STX18: variants seen among roughly 807,000 people sequenced by gnomAD.
STX18 encodes the protein syntaxin 18.
A neutral mutation model predicts 50.1 loss-of-function variants in STX18; 40 were observed. The ratio of observed to expected loss-of-function variants is 0.80; its 90% CI spans 0.62 to 1.04. The LOEUF (loss-of-function observed/expected upper bound fraction) is 1.04, where lower values mean the gene tolerates loss of function less well. Ranked by LOEUF, STX18 falls within the 50% of genes least tolerant of loss-of-function variation. The probability of loss-of-function intolerance (pLI) is 0.00; values close to 1 mark genes in which losing one functional copy is unlikely to be tolerated. For synonymous variants in STX18, 158 were observed against 151.8 expected (o/e 1.04, Z -0.30); for missense variants, 410 against 415.8 (o/e 0.99, Z 0.12).
chr4:4,433,085 G>GCTGCTCTA (rs1160542959), intron 7 of STX18, among the ~76,000 whole-genome samples: 1 of 152,236 alleles, frequency 6.6e-6, no homozygotes, highest in Non-Finnish European at 1.5e-5. Context: ...GGTTGGCTCT[G>GCTGCTCTA]CTGCTCTACT....
chr4:4,494,610 T>A (rs1284750858), intron 1 of STX18, among the ~76,000 whole-genome samples: 3 of 152,212 alleles, frequency 2.0e-5, no homozygotes, highest in Non-Finnish European at 4.4e-5. Context: ...CCTAGATCTC[T>A]CTTATTAACT....
intron 1 of STX18, among the ~76,000 whole-genome samples, chr4:4,487,278 G>T (rs1441511574): frequency 6.6e-6 from 1 of 152,212 alleles, no homozygotes; most frequent in African/African-American, 2.4e-5. Flanking sequence ...GGGCCTGCAG[G>T]TGGTGGGGAG....
At chr4:4,452,152 T>C (rs1366696347) in intron 5 of STX18, among the ~76,000 whole-genome samples, 2 of 152,176 alleles carry the variant, frequency 1.3e-5, no homozygotes, top group African/African-American at 4.8e-5. Context: ...CCTAACTCTC[T>C]TCGATTCTGT....
chr4:4,519,106 C>T (rs1276957308), intron 1 of STX18, among the ~76,000 whole-genome samples: 1 of 152,086 alleles, frequency 6.6e-6, no homozygotes, highest in African/African-American at 2.4e-5. Context: ...AATGCAAAAT[C>T]ACGGTGTGAC....
intron 1 of STX18, among the ~76,000 whole-genome samples, chr4:4,489,343 A>G (rs1294155868): frequency 1.4e-5 from 2 of 144,746 alleles, no homozygotes; most frequent in South Asian, 2.3e-4. Flanking sequence ...TCGTCTTTGG[A>G]GTGAACAAGG....
intron 7 of STX18, among the ~76,000 whole-genome samples, chr4:4,434,514 A>C (rs1725678812): frequency 6.6e-6 from 1 of 152,242 alleles, no homozygotes; most frequent in African/African-American, 2.4e-5. Context: ...CTGTTGTTGA[A>C]AAGACATCTA....
At position 4,423,173 on chromosome 4, in the gene STX18, T is replaced by C. The variant is rs187168697; in HGVS notation, c.831+345A>G. Among the ~76,000 whole-genome samples the C allele has an allele frequency of 2.2e-4, 33 of 152,328 alleles. No homozygotes were observed. In the East Asian group the frequency reaches 2.3e-3, roughly 11 times the overall value. On this transcript the variant is annotated intron_variant, in intron 9 of 10. Transcript: ENST00000306200. ...ACCCTGCAGGAGTCCCTCCCTCCTA[T>C]AGATGGGAAACTGTAGCTTGTGGGG... is the stretch of plus-strand genomic sequence containing the variant.
intron 1 of STX18, among the ~76,000 whole-genome samples, chr4:4,488,165 G>A (rs1728778429): frequency 6.6e-6 from 1 of 152,122 alleles, no homozygotes; most frequent in Non-Finnish European, 1.5e-5. Context: ...CTCCTCTCGT[G>A]AGGTGAACAG....
chr4:4,496,825 A>G (rs1395246718), intron 1 of STX18, among the ~76,000 whole-genome samples: 1 of 152,216 alleles, frequency 6.6e-6, no homozygotes, highest in Non-Finnish European at 1.5e-5. Context: ...GTAAGCTTTA[A>G]GCACTTAGGA....
chr4:4,453,644 T>C (rs1726897220), intron 5 of STX18: 1 of 980,488 alleles, frequency 1.0e-6, no homozygotes, highest in Non-Finnish European at 1.2e-6. Context: ...GAGGTACGCC[T>C]GTCCTTCTTT....
intron 1 of STX18, among the ~76,000 whole-genome samples, chr4:4,496,633 C>G (rs1216245081): frequency 6.6e-6 from 1 of 152,160 alleles, no homozygotes; most frequent in Non-Finnish European, 1.5e-5. Flanking sequence ...ATTTTATAAT[C>G]AGGAGCTTCT....
intron 5 of STX18, chr4:4,453,710 A>G (rs1726901974): frequency 1.0e-6 from 1 of 973,530 alleles, no homozygotes; most frequent in Non-Finnish European, 1.2e-6. Flanking sequence ...ATATAATATC[A>G]TAGTACTATA....
Position 4,541,805 on chromosome 4 carries a change from G to A in STX18, c.160C>T (p.Arg54Cys). Residue 54 changes from arginine (R) to cysteine (C), a missense_variant, in exon 1 of 11, where the codon CGC (arginine) becomes TGC (cysteine). By Grantham distance (180) the Arg-to-Cys change is radical (BLOSUM62 -3). Coordinates refer to ENST00000306200, the MANE Select transcript of STX18 (RefSeq NM_016930.4). ...RPKGDFSSRA[R>C]EVISHIGKLR... ...CATAGCAACCAGCTCACCACTTCGC[G>A]GGCCCGGCTGGAGAAGTCGCCCTTG... 1 of 1,608,122 alleles carries A rather than the reference G, an allele frequency of 6.2e-7. No homozygotes were observed. Among genetic ancestry groups the A allele is most frequent in the South Asian group, 1.1e-5 (1 of 90,448 alleles).
chr4:4,471,844 T>C (rs1727936914), intron 1 of STX18, 138 bp from the exon 2 acceptor site: 1 of 586,716 alleles, frequency 1.7e-6, no homozygotes, highest in African/African-American at 1.9e-5. Flanking sequence ...TTTTGGACTC[T>C]CGTACAGTCA....
chr4:4,492,173 C>T (rs1055970779), intron 1 of STX18, among the ~76,000 whole-genome samples: 2 of 151,990 alleles, frequency 1.3e-5, no homozygotes, highest in African/African-American at 2.4e-5. Flanking sequence ...AGATTTATAT[C>T]CCTAGTAACC....
chr4:4,463,007 C>T (rs1347235276), intron 2 of STX18, among the ~76,000 whole-genome samples: 1 of 152,236 alleles, frequency 6.6e-6, no homozygotes, highest in African/African-American at 2.4e-5. Context: ...ATCACTATTA[C>T]ATCGAAAGCT....
At chr4:4,437,337 AG>A (rs1292029687) in intron 6 of STX18, among the ~76,000 whole-genome samples, 1 of 152,070 alleles carries the variant, frequency 6.6e-6, no homozygotes, top group African/African-American at 2.4e-5. Context: ...ACTTTCTCCC[AG>A]GGGCTAGAGC....
chr4:4,457,574 A>G (rs62289812), intron 3 of STX18, 74 bp from the exon 4 acceptor site: 71,262 of 1,106,964 alleles, frequency 0.064, 4,274 homozygotes, highest in African/African-American at 0.29. Flanking sequence ...GCTTCCTCAC[A>G]ACACTTTCTT....
chr4:4,438,521 T>C lies in STX18; in HGVS notation c.498-12A>G. On this transcript the variant is annotated splice_polypyrimidine_tract_variant and intron_variant, in intron 5 of 10. Coordinates refer to ENST00000306200, the MANE Select transcript of STX18 (RefSeq NM_016930.4). ...GTTCCAGCTTAGATCTAAAAATAAATAATTAGCAGGCAGGTATTTTATTTC... is the reference window on the plus strand; with the variant it reads ...GTTCCAGCTTAGATCTAAAAATAAACAATTAGCAGGCAGGTATTTTATTTC... The C allele has an allele frequency of 6.3e-7, 1 of 1,579,876 alleles. No individual in the cohort carries two copies. Among genetic ancestry groups the C allele is most frequent in the East Asian group, 2.2e-5 (1 of 44,754 alleles).
Sources: gnomAD v4.1 joint callset for allele counts (sites outside exome capture counted in the v4.1 genomes callset) on GRCh38, gnomAD v4.1.1 for gene constraint, MANE v1.5 for transcripts, NCBI Gene and HGNC (gene_info 2026-07-23, HGNC 2026-07-21) for gene names.